The following ELP3 variants were observed in gnomAD, a reference collection of about 807,000 sequenced individuals.
ELP3 encodes the protein elongator acetyltransferase complex subunit 3, also known as elongator complex protein 3.
ELP3 carries 56 observed loss-of-function variants against 74.9 expected under a neutral mutation model. The observed-to-expected ratio is 0.75, with a 90% confidence interval of 0.60 to 0.93. The LOEUF (loss-of-function observed/expected upper bound fraction) is 0.93, where lower values mean the gene tolerates loss of function less well. ELP3 is among the 40% of genes least tolerant of loss of function. ELP3 has a pLI of 0.00. For synonymous variants in ELP3, 222 were observed against 239.8 expected, an observed-to-expected ratio of 0.93 and a Z score of 0.68; for missense variants, 573 against 686.5, an observed-to-expected ratio of 0.83 and a Z score of 1.85.
chr8:28,103,241 C>T (rs149153900), intron 3 of ELP3, among the ~76,000 whole-genome samples: 107 of 152,326 alleles, frequency 7.0e-4, no homozygotes, highest in African/African-American at 1.9e-3. Context: ...ATGTTCTAGA[C>T]GTAACCTGAC....
At chr8:28,094,642 A>AGAGGCG (rs1369585407) in intron 1 of ELP3, among the ~76,000 whole-genome samples, 3 of 143,916 alleles carry the variant, frequency 2.1e-5, no homozygotes, top group Non-Finnish European at 1.5e-5. Context: ...AGGCTGAGGC[A>AGAGGCG]GAGGCGGGAG....
At chr8:28,161,941 C>G in intron 13 of ELP3, 56 bp from the exon 14 acceptor site, 1 of 1,573,524 alleles carries the variant, frequency 6.4e-7, no homozygotes, top group Non-Finnish European at 8.7e-7. Context: ...TTATGGACCC[C>G]TCTTAATGAA....
At chr8:28,150,391 T>G (rs1351111265) in intron 10 of ELP3, among the ~76,000 whole-genome samples, 1 of 152,186 alleles carries the variant, frequency 6.6e-6, no homozygotes, top group Non-Finnish European at 1.5e-5. Context: ...GCAAGGCAGA[T>G]CTATTAGCAA....
chr8:28,116,972 A>G (rs982665591), intron 7 of ELP3, among the ~76,000 whole-genome samples: 17 of 152,212 alleles, frequency 1.1e-4, no homozygotes, highest in African/African-American at 4.1e-4. Flanking sequence ...GTTGCTGACC[A>G]CAGTTCATTC....
At chr8:28,095,059 G>A (rs1310815292) in intron 1 of ELP3, among the ~76,000 whole-genome samples, 2 of 152,148 alleles carry the variant, frequency 1.3e-5, no homozygotes, top group Non-Finnish European at 2.9e-5. Context: ...CCTGTAATCT[G>A]TTCTTTATTA....
chr8:28,132,138 T>C, intron 8 of ELP3, 140 bp from the exon 9 acceptor site: 1 of 806,212 alleles, frequency 1.2e-6, no homozygotes, highest in Non-Finnish European at 1.9e-6. Flanking sequence ...CATATGATTT[T>C]GGTTATGGAA....
intron 13 of ELP3, among the ~76,000 whole-genome samples, chr8:28,161,439 C>G (rs1352646022): frequency 6.6e-6 from 1 of 151,682 alleles, no homozygotes; most frequent in African/African-American, 2.4e-5. Context: ...CTGGGCGTGG[C>G]GGCACGTGCC....
At chr8:28,115,175 A>G (rs530900896) in intron 7 of ELP3, among the ~76,000 whole-genome samples, 1 of 152,276 alleles carries the variant, frequency 6.6e-6, no homozygotes, top group East Asian at 1.9e-4. Flanking sequence ...AAGTCTGAAG[A>G]GCCTGTGATA....
At chr8:28,136,811 T>G (rs1470808635) in intron 9 of ELP3, among the ~76,000 whole-genome samples, 3 of 152,242 alleles carry the variant, frequency 2.0e-5, no homozygotes, top group African/African-American at 7.2e-5. Flanking sequence ...GAGTCCACTT[T>G]CATTTCTCCA....
chr8:28,126,220 G>A (rs916494116), intron 7 of ELP3, among the ~76,000 whole-genome samples: 1 of 152,152 alleles, frequency 6.6e-6, no homozygotes, highest in Admixed American at 6.5e-5. Flanking sequence ...CTGGGAAGAT[G>A]TCATTAGGGG....
chr8:28,090,868 T>C (rs1349258673), upstream of ELP3, among the ~76,000 whole-genome samples: 2 of 151,462 alleles, frequency 1.3e-5, no homozygotes, highest in African/African-American at 4.9e-5. Context: ...AGCCTCCAGG[T>C]AGCAGGCTTC....
chr8:28,120,885 G>A (rs1046647118), intron 7 of ELP3, among the ~76,000 whole-genome samples: 2 of 152,116 alleles, frequency 1.3e-5, no homozygotes, highest in Non-Finnish European at 2.9e-5. Flanking sequence ...CTGTTTCATC[G>A]ATCTGTTTTT....
At position 28,162,027 on chromosome 8, in the gene ELP3, G is replaced by T. The variant is rs1220673340; in HGVS notation, c.1516G>T (p.Glu506Ter). The T allele has an allele frequency of 6.2e-7, 1 of 1,614,200 alleles. No individual in the cohort carries two copies. The highest frequency in any genetic ancestry group is 1.1e-5 in the South Asian group (1 of 91,080). ...TGGCATGCTGCTGATGGAGGAAGCAGAAAGAATAGCTAGAGAAGAACATGG... is the reference window on the plus strand; with the variant it reads ...TGGCATGCTGCTGATGGAGGAAGCATAAAGAATAGCTAGAGAAGAACATGG... ...GFGMLLMEEA[E>*]RIAREEHGSG... Residue 506 changes from glutamate (E) to a stop codon, truncating the protein, a stop_gained, in exon 14 of 15, where the codon GAA becomes TAA. Transcript: ENST00000256398. LOFTEE classifies it high-confidence loss of function.
In ELP3 at chr8:28,110,287, G is replaced by C. The variant is rs915432650; in HGVS notation, c.394-83G>C. The C allele has an allele frequency of 1.2e-4, 148 of 1,189,672 alleles. 1 individual carries two copies. The South Asian group carries it at 1.4e-3, about 11-fold the overall frequency. The allele number at this position is 1,189,672 out of a possible 1,614,324, so 73.7% of individuals were successfully genotyped here. On this transcript the variant is annotated intron_variant, in intron 5 of 14. Transcript: ENST00000256398. The stretch of plus-strand genomic sequence containing the variant: ...CGTTTTCAGTGTTCGGAACCATGGA[G>C]AGTTTTTTTTAAAATACAGTCCTTT...
chr8:28,151,723 G>C (rs1305785728), intron 10 of ELP3, among the ~76,000 whole-genome samples: 6 of 152,144 alleles, frequency 3.9e-5, no homozygotes, highest in Non-Finnish European at 8.8e-5. Flanking sequence ...GCAGGAGTTG[G>C]ATATTTCCTT....
At chr8:28,153,546 G>A (rs1457253354) in intron 10 of ELP3, among the ~76,000 whole-genome samples, 1 of 152,194 alleles carries the variant, frequency 6.6e-6, no homozygotes, top group Non-Finnish European at 1.5e-5. Flanking sequence ...TAATTTGGAT[G>A]TAGGGAAGGG....
Position 28,093,205 on chromosome 8 carries a change from C to T in ELP3, c.-10C>T, listed in dbSNP as rs1464128357. 16 of 1,612,740 alleles carry T rather than the reference C, an allele frequency of 9.9e-6. 1 individual carries two copies. In the Admixed American group the frequency reaches 1.0e-4, roughly 10 times the overall value. On this transcript the variant is annotated 5_prime_UTR_variant, in exon 1 of 15. Transcript: ENST00000256398. ...TTTATCTCTGGTGGCTCTGCTACGG[C>T]GGCGCAGAAATGAGGCAGAAGCGGA... is the stretch of plus-strand genomic sequence containing the variant.
chr8:28,188,187 G>A (rs531976360), intron 14 of ELP3, among the ~76,000 whole-genome samples: 3 of 152,342 alleles, frequency 2.0e-5, no homozygotes, highest in Admixed American at 6.5e-5. Flanking sequence ...CAGCCGGGCT[G>A]TTTGAGGAAT....
intron 14 of ELP3, among the ~76,000 whole-genome samples, chr8:28,184,485 C>T (rs1316674993): frequency 6.6e-6 from 1 of 152,180 alleles, no homozygotes; most frequent in Non-Finnish European, 1.5e-5. Context: ...GAGCCTGTAG[C>T]TCCGTGGGAA....
Sources: allele counts gnomAD v4.1 joint callset (sites outside exome capture counted in the v4.1 genomes callset), GRCh38; gene constraint gnomAD v4.1.1; transcripts MANE v1.5; gene names NCBI Gene and HGNC (gene_info 2026-07-23, HGNC 2026-07-21).